CCDC172: variants seen among roughly 807,000 people sequenced by gnomAD.
The protein encoded by CCDC172 is coiled-coil domain-containing protein 172.
Under a neutral mutation model 38.0 loss-of-function variants are expected in CCDC172, and 30 were observed. That is an observed-to-expected ratio of 0.79 (90% CI 0.59 to 1.07). The LOEUF is 1.07. Ranked by LOEUF, CCDC172 falls within the 50% of genes least tolerant of loss-of-function variation. The pLI, the probability that CCDC172 is intolerant of heterozygous loss-of-function variation, is 0.00. For missense variants in CCDC172, 297 were observed against 290.1 expected, an observed-to-expected ratio of 1.02 and a Z score of -0.17; for synonymous variants, 78 against 88.3, an observed-to-expected ratio of 0.88 and a Z score of 0.66.
intron 4 of CCDC172, 94 bp downstream of exon 4, chr10:116,340,944 G>A (rs1222348657): frequency 1.3e-6 from 1 of 772,544 alleles, no homozygotes; most frequent in Non-Finnish European, 2.3e-6. Context: ...TTATCCATGT[G>A]CATATTAGCA....
chr10:116,335,891 G>A (rs181309956), intron 3 of CCDC172, among the ~76,000 whole-genome samples: 7 of 152,048 alleles, frequency 4.6e-5, no homozygotes, highest in African/African-American at 1.7e-4. Flanking sequence ...ATGGGGCCAG[G>A]TGCGGTGGCT....
At chr10:116,343,514 CG>C (rs747291346) in intron 5 of CCDC172, among the ~76,000 whole-genome samples, 40 of 74,276 alleles carry the variant, frequency 5.4e-4, no homozygotes, top group East Asian at 9.3e-4. Context: ...TCTGATCATT[CG>C]TTTTTTTTTT....
intron 7 of CCDC172, among the ~76,000 whole-genome samples, chr10:116,369,186 G>A (rs1373586104): frequency 1.3e-5 from 2 of 151,780 alleles, no homozygotes; most frequent in Non-Finnish European, 2.9e-5. Flanking sequence ...TTTAACTCAA[G>A]TGTTCTTTTC....
rs550302221 is a variant in CCDC172 at position 116,351,639 on chromosome 10, A to T, written c.449-5741A>T. Among the ~76,000 whole-genome samples, 11 of 152,082 alleles carry T rather than the reference A, an allele frequency of 7.2e-5. No individual in the cohort carries two copies. In the South Asian group the frequency reaches 2.3e-3, roughly 32 times the overall value. On this transcript the variant is annotated intron_variant, in intron 5 of 8. Transcript: ENST00000333254. Reference sequence around the variant, plus strand: ...ACGTATCGTCATGAGGAATAATTTTATGGAATTTTCCCTTCTATCACAACT... The same window carrying T: ...ACGTATCGTCATGAGGAATAATTTTTTGGAATTTTCCCTTCTATCACAACT...
At chr10:116,338,035 C>T (rs918263963) in intron 3 of CCDC172, among the ~76,000 whole-genome samples, 2 of 152,162 alleles carry the variant, frequency 1.3e-5, no homozygotes, top group East Asian at 1.9e-4. Flanking sequence ...AACTTAACAA[C>T]GAGGAACTGG....
chr10:116,342,276 A>T, intron 5 of CCDC172, 75 bp downstream of exon 5: 1 of 1,393,546 alleles, frequency 7.2e-7, no homozygotes, highest in South Asian at 1.5e-5. Context: ...TTTTCCAAAA[A>T]TTTAACTTTT....
intron 3 of CCDC172, among the ~76,000 whole-genome samples, chr10:116,334,608 TTAAC>T (rs1217529197): frequency 1.3e-5 from 2 of 152,054 alleles, no homozygotes; most frequent in Admixed American, 6.5e-5. Context: ...TATATTTTAT[TTAAC>T]TAATTTCTTA....
Position 116,363,479 on chromosome 10 carries a change from TAAATGCCACTA to T in CCDC172, c.653+5546_653+5556del, listed in dbSNP as rs576332100. ...ACTTTAAATAGAATAATTTTGTGCTTAAATGCCACTAAAATAATTTTATATGAATTAATATA... is the reference window on the plus strand; with the variant it reads ...ACTTTAAATAGAATAATTTTGTGCTTAAATAATTTTATATGAATTAATATA... On this transcript the variant is annotated intron_variant, in intron 7 of 8. Coordinates refer to ENST00000333254, the MANE Select transcript of CCDC172 (RefSeq NM_198515.3). Among the ~76,000 whole-genome samples, 183 of 152,296 alleles carry T rather than the reference TAAATGCCACTA, an allele frequency of 1.2e-3. 1 individual carries two copies. The highest frequency in any genetic ancestry group is 3.5e-3 in the South Asian group (17 of 4,822).
chr10:116,324,856 A>G lies in CCDC172; in HGVS notation c.-65-91A>G, dbSNP rs1844569505. 4.6e-6 allele frequency: 3 copies of G among 646,412 alleles called. No homozygotes were observed. The East Asian group carries it at 8.2e-5, about 18-fold the overall frequency. 40.0% of individuals were successfully genotyped at this position (646,412 alleles called of 1,614,324 possible). ...CAGACACCGTCTGGCGTCGGGCTCC[A>G]TCTTCTTGCTGGGCTGGCGACAGAG... is the stretch of plus-strand genomic sequence containing the variant. On this transcript the variant is annotated intron_variant, in intron 1 of 8. Coordinates refer to ENST00000333254, the MANE Select transcript of CCDC172 (RefSeq NM_198515.3).
intron 3 of CCDC172, among the ~76,000 whole-genome samples, chr10:116,339,141 C>G (rs918084560): frequency 2.0e-5 from 3 of 151,902 alleles, no homozygotes; most frequent in Non-Finnish European, 4.4e-5. Context: ...TTTCAACTCA[C>G]CATCACACCT....
chr10:116,378,523 T>A lies in CCDC172; in HGVS notation c.741+13T>A, dbSNP rs769408053. 2 of 1,586,654 alleles carry A rather than the reference T, an allele frequency of 1.3e-6. No homozygotes were observed. The highest frequency in any genetic ancestry group is 4.5e-5 in the East Asian group (2 of 44,056). On this transcript the variant is annotated intron_variant, in intron 8 of 8. Coordinates refer to ENST00000333254, the MANE Select transcript of CCDC172 (RefSeq NM_198515.3). ...ATTTTTGGAGTTGGTAAGTTATCAT[T>A]GATTGTTTAACTTTTGTTCAGCATT...
chr10:116,353,171 C>T (rs944302233), intron 5 of CCDC172, among the ~76,000 whole-genome samples: 10 of 149,894 alleles, frequency 6.7e-5, no homozygotes, highest in African/African-American at 1.5e-4. Context: ...CCTTCCTGGG[C>T]GACAGAGCGA....
intron 8 of CCDC172, 73 bp downstream of exon 8, chr10:116,378,583 G>A: frequency 2.6e-6 from 3 of 1,166,964 alleles, no homozygotes; most frequent in South Asian, 1.4e-5. Flanking sequence ...TTTTACTGGT[G>A]TACAAATCAC....
intron 5 of CCDC172, among the ~76,000 whole-genome samples, chr10:116,351,051 G>A (rs376841548): frequency 2.0e-4 from 30 of 151,928 alleles, no homozygotes; most frequent in Middle Eastern, 3.2e-3. Flanking sequence ...TTAATCTTTA[G>A]ACTTACCTTT....
At chr10:116,356,114 C>T (rs1428037594) in intron 5 of CCDC172, among the ~76,000 whole-genome samples, 1 of 151,912 alleles carries the variant, frequency 6.6e-6, no homozygotes, top group Non-Finnish European at 1.5e-5. Context: ...AGGCAGAACA[C>T]GAGGTCAGGA....
rs1432433864 is a variant in CCDC172, at chr10:116,326,384, T to TTAAG, written c.165+999_165+1002dup. On this transcript the variant is annotated intron_variant, in intron 3 of 8. Coordinates refer to ENST00000333254, the MANE Select transcript of CCDC172 (RefSeq NM_198515.3). ...ACAGAGAGTTATTCAAAAATATTTATTAAGTACCCAGTGATGAACTAAACA... is the reference window on the plus strand; with the variant it reads ...ACAGAGAGTTATTCAAAAATATTTATTAAGTAAGTACCCAGTGATGAACTAAACA... 2.6e-5 allele frequency among the ~76,000 whole-genome samples: 4 copies of TTAAG among 152,298 alleles called. No homozygotes were observed. In the East Asian group the frequency reaches 5.8e-4, roughly 22 times the overall value.
chr10:116,345,573 G>A lies in CCDC172; in HGVS notation c.448+3372G>A, dbSNP rs527236766. On this transcript the variant is annotated intron_variant, in intron 5 of 8. Coordinates refer to ENST00000333254, the MANE Select transcript of CCDC172 (RefSeq NM_198515.3). ...ATTTGCATTAAATATATCTTCCAATGTACTGTTATCCAGAACATAATGAAC... is the reference window on the plus strand; with the variant it reads ...ATTTGCATTAAATATATCTTCCAATATACTGTTATCCAGAACATAATGAAC... 1.1e-4 allele frequency among the ~76,000 whole-genome samples: 17 copies of A among 152,256 alleles called. No individual in the cohort carries two copies. The South Asian group carries it at 2.1e-3, about 19-fold the overall frequency.
chr10:116,342,247 CTT>C lies in CCDC172; in HGVS notation c.448+47_448+48del, dbSNP rs751401701. 126 of 1,475,398 alleles carry C rather than the reference CTT, an allele frequency of 8.5e-5. No individual in the cohort carries two copies. In the African/African-American group the frequency reaches 1.8e-3, roughly 21 times the overall value. The allele number at this position is 1,475,398 out of a possible 1,614,324, so 91.4% of individuals were successfully genotyped here. A position where few individuals can be genotyped will look rare whatever the true frequency, so the allele number is the denominator to read the frequency against. On this transcript the variant is annotated intron_variant, in intron 5 of 8. Transcript: ENST00000333254. ...ATTTGTCTTGCATTAATGAAAATAACTTATTTTGAATGAATGAATTTTCCAAA... is the reference window on the plus strand; with the variant it reads ...ATTTGTCTTGCATTAATGAAAATAACATTTTGAATGAATGAATTTTCCAAA...
At position 116,357,366 on chromosome 10, in the gene CCDC172, G is replaced by A. The variant is rs779334471; in HGVS notation, c.449-14G>A. On this transcript the variant is annotated splice_polypyrimidine_tract_variant and intron_variant, in intron 5 of 8. Coordinates refer to ENST00000333254, the MANE Select transcript of CCDC172 (RefSeq NM_198515.3). ...TAAGTATTTTATTTTTGATGCTTTT[G>A]TATCTGTTTCTAGAAATGAAGTCAA... is the stretch of plus-strand genomic sequence containing the variant. 2.7e-6 allele frequency: 4 copies of A among 1,484,810 alleles called. No homozygotes were observed. In the East Asian group the frequency reaches 7.5e-5, roughly 28 times the overall value. 92.0% of individuals were successfully genotyped at this position (1,484,810 alleles called of 1,614,324 possible). A position where few individuals can be genotyped will look rare whatever the true frequency, so the allele number is the denominator to read the frequency against.
Sources: gnomAD v4.1 joint callset for allele counts (sites outside exome capture counted in the v4.1 genomes callset) on GRCh38, gnomAD v4.1.1 for gene constraint, MANE v1.5 for transcripts, NCBI Gene and HGNC (gene_info 2026-07-23, HGNC 2026-07-21) for gene names.